Variants in EDIL3 observed in about 807,000 individuals in gnomAD.
EDIL3 encodes the protein EGF-like repeat and discoidin I-like domain-containing protein 3.
Under a neutral mutation model 67.4 loss-of-function variants are expected in EDIL3, and 37 were observed. The ratio of observed to expected loss-of-function variants is 0.55; its 90% CI spans 0.42 to 0.72. The LOEUF is 0.72. Among genes scored for constraint, EDIL3 ranks in the 30% least tolerant of loss-of-function variants. The probability of loss-of-function intolerance (pLI) is 0.00; values close to 1 mark genes in which losing one functional copy is unlikely to be tolerated. For missense variants in EDIL3, 527 were observed against 586.3 expected, an observed-to-expected ratio of 0.90 and a Z score of 1.04; for synonymous variants, 195 against 196.3, an observed-to-expected ratio of 0.99 and a Z score of 0.05.
chr5:84,239,985 G>A (rs1744763781), intron 2 of EDIL3, among the ~76,000 whole-genome samples: 1 of 152,082 alleles, frequency 6.6e-6, no homozygotes, highest in African/African-American at 2.4e-5. Flanking sequence ...ATTTCTAGTT[G>A]TAGATGTTTC....
At chr5:84,321,230 T>C (rs1357872530) in intron 1 of EDIL3, among the ~76,000 whole-genome samples, 1 of 152,170 alleles carries the variant, frequency 6.6e-6, no homozygotes, top group Non-Finnish European at 1.5e-5. Flanking sequence ...GGTGTTGAAT[T>C]ATCTCAGCTT....
intron 1 of EDIL3, among the ~76,000 whole-genome samples, chr5:84,281,226 C>G (rs116399092): frequency 6.6e-6 from 1 of 152,064 alleles, no homozygotes; most frequent in Non-Finnish European, 1.5e-5. Context: ...CAACAGAATT[C>G]AAAACATGAC....
At chr5:84,307,861 G>C (rs1746304187) in intron 1 of EDIL3, among the ~76,000 whole-genome samples, 1 of 152,000 alleles carries the variant, frequency 6.6e-6, no homozygotes, top group Admixed American at 6.6e-5. Flanking sequence ...TTAGAAGGAG[G>C]GGGAGGCAAA....
At chr5:84,235,977 G>A (rs1744674076) in intron 2 of EDIL3, among the ~76,000 whole-genome samples, 1 of 151,976 alleles carries the variant, frequency 6.6e-6, no homozygotes, top group African/African-American at 2.4e-5. Flanking sequence ...TATTAATTAA[G>A]TAGATTCATT....
chr5:84,022,667 A>G (rs1580284050), intron 9 of EDIL3, among the ~76,000 whole-genome samples: 2 of 151,960 alleles, frequency 1.3e-5, no homozygotes, highest in Non-Finnish European at 2.9e-5. Context: ...ACAAATTGCC[A>G]CATGTTCTCA....
At chr5:84,164,138 C>T (rs922018033) in intron 4 of EDIL3, among the ~76,000 whole-genome samples, 1 of 151,912 alleles carries the variant, frequency 6.6e-6, no homozygotes, top group Admixed American at 6.6e-5. Context: ...GCTTTTTCCA[C>T]AAATCAGTTA....
intron 4 of EDIL3, among the ~76,000 whole-genome samples, chr5:84,176,243 AATATATTGTATATATATTAT>A (rs1219220969): frequency 2.1e-5 from 3 of 140,074 alleles, no homozygotes; most frequent in South Asian, 2.2e-4. Context: ...TTGTATGTAT[AATATATTGTATATATATTAT>A]ATATATTGTA....
intron 1 of EDIL3, among the ~76,000 whole-genome samples, chr5:84,299,727 T>C (rs1049010639): frequency 1.3e-5 from 2 of 152,250 alleles, no homozygotes; most frequent in Non-Finnish European, 2.9e-5. Flanking sequence ...TGTTTTAATG[T>C]ACTTAATGAC....
intron 6 of EDIL3, among the ~76,000 whole-genome samples, chr5:84,093,427 C>T (rs550938414): frequency 5.3e-4 from 81 of 152,122 alleles, no homozygotes; most frequent in Non-Finnish European, 1.1e-3. Flanking sequence ...GTCACTTCTA[C>T]CTTTGAAGAT....
intron 3 of EDIL3, among the ~76,000 whole-genome samples, chr5:84,206,627 C>T (rs1460333401): frequency 6.6e-6 from 1 of 152,126 alleles, no homozygotes; most frequent in Admixed American, 6.5e-5. Context: ...CCTTGATGAA[C>T]ATTGATGCAA....
chr5:84,191,003 C>A (rs1743574492), intron 3 of EDIL3, among the ~76,000 whole-genome samples: 1 of 151,930 alleles, frequency 6.6e-6, no homozygotes, highest in East Asian at 1.9e-4. Flanking sequence ...AACTGCAAAT[C>A]ATAATCTATA....
At chr5:84,263,302 T>C (rs1348244895) in intron 1 of EDIL3, among the ~76,000 whole-genome samples, 1 of 152,146 alleles carries the variant, frequency 6.6e-6, no homozygotes, top group Non-Finnish European at 1.5e-5. Flanking sequence ...GGGCTCAGTT[T>C]AGCTAAGGGC....
rs1167230811 is a variant in EDIL3 at position 84,229,864 on chromosome 5, T to C, written c.217A>G (p.Thr73Ala). ...AACATAGGAACTTTACCTGCTGAAG[T>C]TGGTTCTTCTTCATCTGATGCTATG... ...VEVASDEEEP[T>A]SAGPCTPNPC... is the part of the protein sequence containing the mutation. The change falls in exon 3 of 11, where the codon ACT (threonine) becomes GCT (alanine). Residue 73 changes from threonine to alanine, a missense_variant. Thr to Ala is a moderately conservative substitution (Grantham distance 58, BLOSUM62 0). Around this residue, in one of 2 missense-constraint regions of EDIL3, gnomAD observed 494 missense variants for 522.5 expected, o/e 0.95. Transcript: ENST00000296591. 5.6e-6 allele frequency: 9 copies of C among 1,604,190 alleles called. No individual in the cohort carries two copies. Among genetic ancestry groups the C allele is most frequent in the South Asian group, 1.1e-5 (1 of 89,816 alleles).
intron 6 of EDIL3, among the ~76,000 whole-genome samples, chr5:84,086,833 C>T (rs778042339): frequency 5.3e-5 from 8 of 152,132 alleles, no homozygotes; most frequent in Non-Finnish European, 1.0e-4. Context: ...GCTGATAAAT[C>T]AGGGCCCCAG....
chr5:84,069,228 G>C (rs1028047289), intron 6 of EDIL3, among the ~76,000 whole-genome samples: 1 of 152,080 alleles, frequency 6.6e-6, no homozygotes, highest in Non-Finnish European at 1.5e-5. Context: ...TCCTTAAAAA[G>C]CAGAAGTGCA....
At chr5:84,119,186 G>A (rs1375665774) in intron 5 of EDIL3, among the ~76,000 whole-genome samples, 1 of 129,038 alleles carries the variant, frequency 7.7e-6, no homozygotes, top group Non-Finnish European at 1.6e-5. Flanking sequence ...TATGCTACCA[G>A]TTCAGCCATG....
chr5:84,357,051 A>C (rs1747503474), intron 1 of EDIL3, among the ~76,000 whole-genome samples: 1 of 150,526 alleles, frequency 6.6e-6, no homozygotes, highest in African/African-American at 2.4e-5. Flanking sequence ...CAGCCTCCTG[A>C]GTAGCTGGGA....
intron 6 of EDIL3, among the ~76,000 whole-genome samples, chr5:84,091,085 A>G (rs1204993684): frequency 6.6e-6 from 1 of 152,238 alleles, no homozygotes; most frequent in Admixed American, 6.5e-5. Flanking sequence ...ATAAAAGGGA[A>G]CTACCAAGAG....
intron 1 of EDIL3, among the ~76,000 whole-genome samples, chr5:84,354,873 T>G (rs1314072754): frequency 1.3e-5 from 2 of 152,148 alleles, no homozygotes; most frequent in Non-Finnish European, 2.9e-5. Context: ...TAGTTTATGT[T>G]TGCTTCATAT....
Sources: allele counts gnomAD v4.1 joint callset (sites outside exome capture counted in the v4.1 genomes callset), GRCh38; gene constraint gnomAD v4.1.1; regional missense constraint gnomAD v4.1.1; transcripts MANE v1.5; gene names NCBI Gene and HGNC (gene_info 2026-07-23, HGNC 2026-07-21).